Variants in KLHL5 observed in about 807,000 individuals in gnomAD.
The protein encoded by KLHL5 is kelch like family member 5, also known as kelch-like protein 5.
KLHL5 carries 48 observed loss-of-function variants against 77.7 expected under a neutral mutation model. That is an observed-to-expected ratio of 0.62 (90% CI 0.49 to 0.79). The LOEUF is 0.79. Among genes scored for constraint, KLHL5 ranks in the 30% least tolerant of loss-of-function variants. The pLI is 0.00. For missense variants in KLHL5, 723 were observed against 859.7 expected (o/e 0.84, Z 1.99); for synonymous variants, 260 against 297.0 (o/e 0.88, Z 1.28).
chr4:39,073,700 A>C (rs1026609449), intron 1 of KLHL5, among the ~76,000 whole-genome samples: 2 of 152,028 alleles, frequency 1.3e-5, no homozygotes, highest in African/African-American at 2.4e-5. Flanking sequence ...GCTGGAGTAC[A>C]GTGGTGTGAT....
intron 6 of KLHL5, among the ~76,000 whole-genome samples, chr4:39,101,935 CAT>C: frequency 7.8e-6 from 1 of 128,152 alleles, no homozygotes; most frequent in South Asian, 2.6e-4. Flanking sequence ...TATATACACA[CAT>C]ATATACACAC....
chr4:39,100,175 C>T (rs1721419629), intron 6 of KLHL5, among the ~76,000 whole-genome samples: 1 of 152,202 alleles, frequency 6.6e-6, no homozygotes, highest in African/African-American at 2.4e-5. Context: ...TCTGTCTTTT[C>T]AGCTTTCTGG....
intron 4 of KLHL5, among the ~76,000 whole-genome samples, chr4:39,083,172 A>G (rs1431380188): frequency 6.6e-6 from 1 of 152,208 alleles, no homozygotes; most frequent in African/African-American, 2.4e-5. Flanking sequence ...TTAGAGAAAT[A>G]GAGATTTGGA....
chr4:39,115,402 C>T (rs1722764258), intron 10 of KLHL5, 72 bp downstream of exon 10: 1 of 1,586,626 alleles, frequency 6.3e-7, no homozygotes, highest in Non-Finnish European at 8.6e-7. Flanking sequence ...AAAACAGATC[C>T]CCTCAATCTT....
At chr4:39,060,439 T>TGTACCACCACCACCA (rs1717316247), upstream of KLHL5, among the ~76,000 whole-genome samples, 1 of 67,416 alleles carries the variant, frequency 1.5e-5, no homozygotes, top group East Asian at 5.4e-4. Flanking sequence ...CAACTAAAAA[T>TGTACCACCACCACCA]CTACCACCAC....
At chr4:39,118,186 A>G (rs796633218) in intron 10 of KLHL5, among the ~76,000 whole-genome samples, 20 of 152,302 alleles carry the variant, frequency 1.3e-4, no homozygotes, top group African/African-American at 4.6e-4. Context: ...CTCTGTTCTA[A>G]GCACTGTAAA....
chr4:39,124,670 A>T lies in KLHL5; in HGVS notation c.*3604A>T, dbSNP rs1723414551. Among the ~76,000 whole-genome samples, 1 of 152,040 alleles carries T rather than the reference A, an allele frequency of 6.6e-6. No individual in the cohort carries two copies. The highest frequency in any genetic ancestry group is 1.5e-5 in the Non-Finnish European group (1 of 67,992). ...ATACCATATATAAAAATTAATTCAA[A>T]ATAGATCAAAGACCTAAATGTAAGA... On this transcript the variant is annotated 3_prime_UTR_variant, in exon 11 of 11. Transcript: ENST00000504108.
chr4:39,141,997 AT>A, the KLHL5 span, among the ~76,000 whole-genome samples: 1 of 152,200 alleles, frequency 6.6e-6, no homozygotes, highest in South Asian at 2.1e-4. Context: ...ATAAACAATT[AT>A]TTTTATCTCT....
chr4:39,110,894 A>G (rs1436053914), intron 8 of KLHL5, among the ~76,000 whole-genome samples: 1 of 152,208 alleles, frequency 6.6e-6, no homozygotes, highest in Non-Finnish European at 1.5e-5. Flanking sequence ...AATAGACACT[A>G]TCGTGGTGAA....
chr4:39,129,607 C>T (rs180967964), downstream of KLHL5, among the ~76,000 whole-genome samples: 17 of 152,234 alleles, frequency 1.1e-4, no homozygotes, highest in East Asian at 3.9e-4. This position sits in a 1 kb window ranked among gnomAD's most constrained non-coding sequence, Gnocchi z 4.2. Context: ...CCTGTCACTT[C>T]GGTGGTGAAC....
intron 10 of KLHL5, chr4:39,116,279 G>A (rs1282726585): frequency 6.6e-6 from 1 of 152,536 alleles, no homozygotes; most frequent in Non-Finnish European, 1.5e-5. Flanking sequence ...GTTGCAGTGA[G>A]CAGAGATCAT....
At chr4:39,067,409 T>A (rs1456019764) in intron 1 of KLHL5, among the ~76,000 whole-genome samples, 1 of 151,618 alleles carries the variant, frequency 6.6e-6, no homozygotes, top group Non-Finnish European at 1.5e-5. Context: ...GTCTTACCAC[T>A]GTTGGTAGTG....
At chr4:39,134,705 CCTTT>C in the KLHL5 span, among the ~76,000 whole-genome samples, 1 of 152,140 alleles carries the variant, frequency 6.6e-6, no homozygotes, top group Admixed American at 6.6e-5. Context: ...TTCATAAGTG[CCTTT>C]CTATTTTCTT....
intron 5 of KLHL5, among the ~76,000 whole-genome samples, chr4:39,087,592 A>T (rs1469055037): frequency 6.6e-6 from 1 of 152,180 alleles, no homozygotes; most frequent in Non-Finnish European, 1.5e-5. Flanking sequence ...TAAAAATATT[A>T]TTTCAGAATT....
intron 1 of KLHL5, among the ~76,000 whole-genome samples, chr4:39,053,852 C>T (rs1045062709): frequency 3.3e-5 from 5 of 152,118 alleles, no homozygotes; most frequent in Non-Finnish European, 7.4e-5. Flanking sequence ...TGGAATAAAA[C>T]GATTCTTTTG....
intron 1 of KLHL5, among the ~76,000 whole-genome samples, chr4:39,064,810 G>T (rs1249665465): frequency 1.3e-5 from 2 of 151,840 alleles, no homozygotes; most frequent in Non-Finnish European, 2.9e-5. Flanking sequence ...CATTCTTCAA[G>T]AATTTTAAAT....
Position 39,115,162 on chromosome 4 carries a change from T to C in KLHL5, c.1905T>C (p.Tyr635=), listed in dbSNP as rs1372991867. 1 of 1,598,594 alleles carries C rather than the reference T, an allele frequency of 6.3e-7. No homozygotes were observed. Among genetic ancestry groups the C allele is most frequent in the Non-Finnish European group, 8.5e-7 (1 of 1,176,402 alleles). Residue 635 remains tyrosine, a synonymous_variant, in exon 10 of 11, where the codon TAT becomes TAC. Coordinates refer to ENST00000504108, the MANE Select transcript of KLHL5 (RefSeq NM_015990.5). The part of the protein sequence containing the change: ...TSRLSDCVER[Y]DPKTDMWTAV... ...CGGTTCTAAAATTTTCTTACAGATA[T>C]GATCCCAAAACAGACATGTGGACTG...
chr4:39,072,781 G>A (rs1481037563), intron 1 of KLHL5, among the ~76,000 whole-genome samples: 1 of 152,130 alleles, frequency 6.6e-6, no homozygotes, highest in Non-Finnish European at 1.5e-5. Context: ...CTTACCAGAG[G>A]TGCTTACCAG....
At chr4:39,070,286 G>A (rs566638611) in intron 1 of KLHL5, among the ~76,000 whole-genome samples, 5 of 152,248 alleles carry the variant, frequency 3.3e-5, no homozygotes, top group Admixed American at 6.5e-5. Context: ...TTTTATTACC[G>A]TAAGAAGGAA....
Sources: gnomAD v4.1 joint callset for allele counts (sites outside exome capture counted in the v4.1 genomes callset) on GRCh38, gnomAD v4.1.1 for gene constraint, Gnocchi (gnomAD v3.1) non-coding constraint, MANE v1.5 for transcripts, NCBI Gene and HGNC (gene_info 2026-07-23, HGNC 2026-07-21) for gene names.